PDE9A: variants seen among roughly 807,000 people sequenced by gnomAD.
The protein encoded by PDE9A is high affinity cGMP-specific 3',5'-cyclic phosphodiesterase 9A.
In PDE9A, 60 loss-of-function variants were observed where a neutral mutation model predicts 87.4. The ratio of observed to expected loss-of-function variants is 0.69; its 90% CI spans 0.56 to 0.85. The LOEUF is 0.85. PDE9A is among the 40% of genes least tolerant of loss of function. The probability of loss-of-function intolerance (pLI) is 0.00; values close to 1 mark genes in which losing one functional copy is unlikely to be tolerated. For synonymous variants in PDE9A, 272 were observed against 279.4 expected (o/e 0.97, Z 0.27); for missense variants, 665 against 779.0 (o/e 0.85, Z 1.74).
chr21:42,724,662 CT>C (rs1431889270), intron 4 of PDE9A: 13 of 874,908 alleles, frequency 1.5e-5, no homozygotes, highest in Non-Finnish European at 1.8e-5. Context: ...GGCAGTGCCC[CT>C]GGAGTGTTCT....
At chr21:42,765,857 A>C (rs2056345092) in intron 15 of PDE9A, among the ~76,000 whole-genome samples, 1 of 152,218 alleles carries the variant, frequency 6.6e-6, no homozygotes, top group South Asian at 2.1e-4. Flanking sequence ...ATGTGGGGGC[A>C]ACTCCAACAC....
intron 3 of PDE9A, among the ~76,000 whole-genome samples, chr21:42,688,709 C>T (rs1261066720): frequency 1.3e-5 from 2 of 152,214 alleles, no homozygotes; most frequent in African/African-American, 4.8e-5. Flanking sequence ...CCTCAGGACC[C>T]CTCTCTGGCG....
rs1204019662 is a variant in PDE9A, at chr21:42,723,031, C to T, written c.263-8739C>T. ...CCCCTGCCCTGGACACCCGTGAACACGGAGGCAGCCGTGTGAACACCATGA... is the reference window on the plus strand; with the variant it reads ...CCCCTGCCCTGGACACCCGTGAACATGGAGGCAGCCGTGTGAACACCATGA... On this transcript the variant is annotated intron_variant, in intron 4 of 19. Transcript: ENST00000291539. This position sits in a 1 kb window ranked among gnomAD's most constrained non-coding sequence, Gnocchi z 4.3. Among the ~76,000 whole-genome samples, 1 of 152,234 alleles carries T rather than the reference C, an allele frequency of 6.6e-6. No homozygotes were observed. Among genetic ancestry groups the T allele is most frequent in the Non-Finnish European group, 1.5e-5 (1 of 68,042 alleles).
At position 42,743,738 on chromosome 21, in the gene PDE9A, C is replaced by T. The variant is rs375275831; in HGVS notation, c.569-38C>T. Reference sequence around the variant, plus strand: ...CCTTGAGAGATCCTCCACATTCGTCCGTGGTAACCCCCTTGCTGTCTCTCT... The same window carrying T: ...CCTTGAGAGATCCTCCACATTCGTCTGTGGTAACCCCCTTGCTGTCTCTCT... On this transcript the variant is annotated intron_variant, in intron 7 of 19. Transcript: ENST00000291539. 8.9e-4 allele frequency: 1,180 copies of T among 1,332,744 alleles called. 21 individuals are homozygous for T. The South Asian group carries it at 0.014, about 16-fold the overall frequency. 82.6% of individuals were successfully genotyped at this position (1,332,744 alleles called of 1,614,324 possible).
In PDE9A at chr21:42,670,195, TCA is replaced by T. The variant is rs930769995; in HGVS notation, c.70-15990_70-15989del. ...CACGCACACATACACTTACACACAT[TCA>T]CACACATACACTTACATTCACACAC... On this transcript the variant is annotated intron_variant, in intron 1 of 19. Coordinates refer to ENST00000291539, the MANE Select transcript of PDE9A (RefSeq NM_002606.3). Among the ~76,000 whole-genome samples the T allele has an allele frequency of 8.3e-5, 12 of 144,430 alleles. No individual in the cohort carries two copies. The South Asian group carries it at 1.5e-3, about 18-fold the overall frequency. The allele number at this position is 144,430 out of a possible 152,430, so 94.8% of individuals were successfully genotyped here.
In PDE9A at chr21:42,727,830, C is replaced by A. The variant is rs1417546549; in HGVS notation, c.263-3940C>A. On this transcript the variant is annotated intron_variant, in intron 4 of 19. Transcript: ENST00000291539. Reference sequence around the variant, plus strand: ...TTCTATGTAGACAACATGTCATTGGCAAACAAGGACAGTTTTCTTTCTTCC... The same window carrying A: ...TTCTATGTAGACAACATGTCATTGGAAAACAAGGACAGTTTTCTTTCTTCC... 2.6e-5 allele frequency among the ~76,000 whole-genome samples: 4 copies of A among 152,252 alleles called. No individual in the cohort carries two copies. The South Asian group carries it at 6.2e-4, about 24-fold the overall frequency.
At chr21:42,773,764 G>GCACT (rs200351929) in intron 19 of PDE9A, among the ~76,000 whole-genome samples, 30,462 of 151,300 alleles carry the variant, frequency 0.2, 3,862 homozygotes, top group East Asian at 0.35. Context: ...TCGCGCCACT[G>GCACT]CACTCCAGCC....
At chr21:42,680,730 G>A (rs1234424784) in intron 1 of PDE9A, among the ~76,000 whole-genome samples, 1 of 152,208 alleles carries the variant, frequency 6.6e-6, no homozygotes, top group Non-Finnish European at 1.5e-5. Context: ...CAAGCAGCAG[G>A]ACTGTCTTGC....
At position 42,743,758 on chromosome 21, in the gene PDE9A, C is replaced by T; in HGVS notation, c.569-18C>T. The T allele has an allele frequency of 1.4e-6, 2 of 1,464,526 alleles. No individual in the cohort carries two copies. Among genetic ancestry groups the T allele is most frequent in the African/African-American group, 1.4e-5 (1 of 71,726 alleles). 90.7% of individuals were successfully genotyped at this position (1,464,526 alleles called of 1,614,324 possible). A position where few individuals can be genotyped will look rare whatever the true frequency, so the allele number is the denominator to read the frequency against. On this transcript the variant is annotated intron_variant, in intron 7 of 19. Transcript: ENST00000291539. The stretch of plus-strand genomic sequence containing the variant: ...TCGTCCGTGGTAACCCCCTTGCTGT[C>T]TCTCTCTCTGTCACCAGTGGAAGGA...
chr21:42,726,298 C>T (rs2051025812), intron 4 of PDE9A, among the ~76,000 whole-genome samples: 3 of 151,948 alleles, frequency 2.0e-5, no homozygotes, highest in African/African-American at 4.8e-5. Flanking sequence ...TTTCTCTGAG[C>T]GAAAATTTTC....
chr21:42,749,089 C>T (rs1027701690), intron 8 of PDE9A, among the ~76,000 whole-genome samples: 3 of 152,286 alleles, frequency 2.0e-5, no homozygotes, highest in African/African-American at 7.2e-5. Context: ...GATCACACCA[C>T]GGTGAATATC....
chr21:42,701,198 T>G (rs1244612573), intron 4 of PDE9A: 1 of 152,202 alleles, frequency 6.6e-6, no homozygotes, highest in Non-Finnish European at 1.5e-5. Flanking sequence ...AATACATCAC[T>G]ATTTCATGTA....
At chr21:42,733,260 C>A in intron 6 of PDE9A, 96 bp from the exon 7 acceptor site, 1 of 737,152 alleles carries the variant, frequency 1.4e-6, no homozygotes, top group Non-Finnish European at 2.5e-6. Context: ...CTTGCCCATG[C>A]CCACAGCAGG....
chr21:42,708,054 C>G (rs1051322158), intron 4 of PDE9A, among the ~76,000 whole-genome samples: 1 of 152,150 alleles, frequency 6.6e-6, no homozygotes. Flanking sequence ...TGGATGTCTG[C>G]GCATAGACAT....
At chr21:42,679,042 A>C (rs950397956) in intron 1 of PDE9A, among the ~76,000 whole-genome samples, 3 of 152,224 alleles carry the variant, frequency 2.0e-5, no homozygotes, top group Admixed American at 2.0e-4. Context: ...AAAAACACAC[A>C]GGTGAGCTGG....
chr21:42,746,834 TC>T (rs1246529730), intron 8 of PDE9A, among the ~76,000 whole-genome samples: 1 of 152,024 alleles, frequency 6.6e-6, no homozygotes, highest in East Asian at 1.9e-4. Flanking sequence ...CATCCGCACT[TC>T]CCCCAGGAGT....
intron 18 of PDE9A, among the ~76,000 whole-genome samples, chr21:42,772,166 C>G (rs1376559435): frequency 6.6e-6 from 1 of 152,226 alleles, no homozygotes; most frequent in Non-Finnish European, 1.5e-5. Flanking sequence ...AAGCCGCAGG[C>G]TCTGCACACA....
Position 42,673,058 on chromosome 21 carries a change from G to T in PDE9A, c.70-13134G>T, listed in dbSNP as rs371142812. Among the ~76,000 whole-genome samples, 7 of 152,302 alleles carry T rather than the reference G, an allele frequency of 4.6e-5. No individual in the cohort carries two copies. The East Asian group carries it at 1.3e-3, about 29-fold the overall frequency. On this transcript the variant is annotated intron_variant, in intron 1 of 19. Coordinates refer to ENST00000291539, the MANE Select transcript of PDE9A (RefSeq NM_002606.3). ...CCTGTAATCACGGCTGCCACTCAAC[G>T]GAGTAAGTAATGTGTAGCGGGCCCT...
At chr21:42,657,327 T>C (rs1185187809) in intron 1 of PDE9A, among the ~76,000 whole-genome samples, 1 of 152,178 alleles carries the variant, frequency 6.6e-6, no homozygotes, top group Non-Finnish European at 1.5e-5. Flanking sequence ...AGCCCTCCTG[T>C]CACCCCCAAC....
Sources: gnomAD v4.1 joint callset for allele counts (sites outside exome capture counted in the v4.1 genomes callset) on GRCh38, gnomAD v4.1.1 for gene constraint, Gnocchi (gnomAD v3.1) non-coding constraint, MANE v1.5 for transcripts, NCBI Gene and HGNC (gene_info 2026-07-23, HGNC 2026-07-21) for gene names.